Variants in RGS6 observed in about 807,000 individuals in gnomAD.
RGS6 encodes the protein regulator of G-protein signaling 6.
Under a neutral mutation model 78.5 loss-of-function variants are expected in RGS6, and 30 were observed. The ratio of observed to expected loss-of-function variants is 0.38; its 90% CI spans 0.29 to 0.52. The LOEUF is 0.52. Ranked by LOEUF, RGS6 falls within the 20% of genes least tolerant of loss-of-function variation. RGS6 has a pLI of 0.85. For missense variants in RGS6, 495 were observed against 609.7 expected, an observed-to-expected ratio of 0.81 and a Z score of 1.98; for synonymous variants, 206 against 206.0, an observed-to-expected ratio of 1.00 and a Z score of 0.00.
At chr14:71,930,702 A>G (rs72734091), upstream of RGS6, among the ~76,000 whole-genome samples, 9,162 of 151,960 alleles carry the variant, frequency 0.06, 372 homozygotes, top group Non-Finnish European at 0.091. Context: ...CAGAGTTCCC[A>G]CTGGGTGTGG....
intron 3 of RGS6, among the ~76,000 whole-genome samples, chr14:72,442,580 A>G (rs2095244725): frequency 6.6e-6 from 1 of 152,352 alleles, no homozygotes; most frequent in Middle Eastern, 3.4e-3. Context: ...AAAAATGTTC[A>G]AGTCGTAATA....
At chr14:72,390,090 CTT>C (rs767640465) in intron 3 of RGS6, among the ~76,000 whole-genome samples, 70 of 117,360 alleles carry the variant, frequency 6.0e-4, no homozygotes, top group African/African-American at 1.4e-3. Flanking sequence ...AGCTATAGTT[CTT>C]TTTTTTTTTT....
At chr14:71,991,771 AG>A (rs1264955142) in intron 2 of RGS6, among the ~76,000 whole-genome samples, 1 of 152,164 alleles carries the variant, frequency 6.6e-6, no homozygotes, top group Non-Finnish European at 1.5e-5. Flanking sequence ...TTCTTGTGAC[AG>A]TCAATATTCC....
intron 3 of RGS6, among the ~76,000 whole-genome samples, chr14:72,439,774 G>C (rs1169791128): frequency 6.6e-6 from 1 of 152,200 alleles, no homozygotes; most frequent in African/African-American, 2.4e-5. Context: ...CAGAGGGGAG[G>C]AGAGGGAGAC....
intron 17 of RGS6, among the ~76,000 whole-genome samples, chr14:72,560,687 T>A (rs929580737): frequency 3.9e-5 from 6 of 152,158 alleles, no homozygotes; most frequent in Non-Finnish European, 5.9e-5. Flanking sequence ...TTGGATTTTT[T>A]AAAAATCTGA....
At chr14:71,981,805 G>A (rs1401911781) in intron 2 of RGS6, among the ~76,000 whole-genome samples, 52 of 148,966 alleles carry the variant, frequency 3.5e-4, no homozygotes, top group Non-Finnish European at 6.0e-4. Flanking sequence ...GAGCTGTGGT[G>A]GGCTCCACCC....
At chr14:72,172,438 A>C (rs570533446) in intron 2 of RGS6, among the ~76,000 whole-genome samples, 2 of 152,066 alleles carry the variant, frequency 1.3e-5, no homozygotes, top group South Asian at 4.2e-4. Context: ...TTTTATAGCA[A>C]TGAGAAGTGG....
At chr14:72,168,554 A>G (rs1183809161) in intron 2 of RGS6, among the ~76,000 whole-genome samples, 2 of 152,190 alleles carry the variant, frequency 1.3e-5, no homozygotes, top group Non-Finnish European at 2.9e-5. Context: ...CTCATCAATA[A>G]TTTTTATGTT....
the RGS6 span, among the ~76,000 whole-genome samples, chr14:72,599,955 G>T: frequency 2.0e-5 from 3 of 152,126 alleles, no homozygotes; most frequent in Non-Finnish European, 4.4e-5. Context: ...GCCTCAGGGG[G>T]ACTTCCAGAG....
intron 12 of RGS6, among the ~76,000 whole-genome samples, chr14:72,484,690 C>G (rs1422997699): frequency 6.6e-6 from 1 of 152,054 alleles, no homozygotes; most frequent in African/African-American, 2.4e-5. Context: ...ATTTCCTTCC[C>G]CTCCATGTTT....
At chr14:72,150,889 G>T (rs1187552996) in intron 2 of RGS6, among the ~76,000 whole-genome samples, 3 of 152,256 alleles carry the variant, frequency 2.0e-5, no homozygotes, top group African/African-American at 7.2e-5. Flanking sequence ...TGGAAAATAT[G>T]GGTGTTGGTT....
chr14:72,547,220 G>A, intron 17 of RGS6: 1 of 1,535,590 alleles, frequency 6.5e-7, no homozygotes, highest in Non-Finnish European at 8.7e-7. Flanking sequence ...GCCAGAGAAA[G>A]AGCATCCAAT....
At chr14:71,913,788 A>G in the RGS6 span, among the ~76,000 whole-genome samples, 1 of 152,234 alleles carries the variant, frequency 6.6e-6, no homozygotes, top group Non-Finnish European at 1.5e-5. Flanking sequence ...CAGAGCCTAG[A>G]AGCACTTTCC....
At chr14:72,324,977 G>A (rs189319140) in intron 2 of RGS6, among the ~76,000 whole-genome samples, 38 of 152,310 alleles carry the variant, frequency 2.5e-4, no homozygotes, top group African/African-American at 8.9e-4. Context: ...CACAAACAGT[G>A]TAAAAGTGTT....
intron 3 of RGS6, among the ~76,000 whole-genome samples, chr14:72,419,843 C>G (rs1005132565): frequency 6.6e-6 from 1 of 152,090 alleles, no homozygotes; most frequent in Non-Finnish European, 1.5e-5. Context: ...TGCCCTGAGA[C>G]TTGAAGTAGG....
intron 2 of RGS6, among the ~76,000 whole-genome samples, chr14:72,012,204 TA>T (rs951964925): frequency 9.2e-5 from 14 of 152,160 alleles, no homozygotes; most frequent in South Asian, 4.2e-4. Context: ...AGAGAACATT[TA>T]AAAAAAATTT....
chr14:72,410,903 G>C (rs557744970), intron 3 of RGS6, among the ~76,000 whole-genome samples: 1,531 of 152,108 alleles, frequency 0.01, 23 homozygotes, highest in African/African-American at 0.035. Context: ...ATTTCTGAGG[G>C]CTCTGTTCTG....
At chr14:72,526,111 T>A (rs990254714) in intron 15 of RGS6, among the ~76,000 whole-genome samples, 6 of 151,882 alleles carry the variant, frequency 4.0e-5, no homozygotes, top group Non-Finnish European at 7.4e-5. Context: ...TTTCTTCTTT[T>A]TTTTTTTTTT....
At chr14:71,998,566 C>T (rs1191943134) in intron 2 of RGS6, among the ~76,000 whole-genome samples, 1 of 152,194 alleles carries the variant, frequency 6.6e-6, no homozygotes. Flanking sequence ...CTGGACACTA[C>T]TGTATTAAGA....
Sources: allele counts gnomAD v4.1 joint callset (sites outside exome capture counted in the v4.1 genomes callset), GRCh38; gene constraint gnomAD v4.1.1; transcripts MANE v1.5; gene names NCBI Gene and HGNC (gene_info 2026-07-23, HGNC 2026-07-21).